Variants in ABL2 observed in about 807,000 individuals in gnomAD.
ABL2 encodes ABL proto-oncogene 2, non-receptor tyrosine kinase.
Under a neutral mutation model 107.7 loss-of-function variants are expected in ABL2, and 49 were observed. That is an observed-to-expected ratio of 0.45 (90% CI 0.36 to 0.58). The LOEUF is 0.58. Ranked by LOEUF, ABL2 falls within the 20% of genes least tolerant of loss-of-function variation. The probability of loss-of-function intolerance (pLI) is 0.00; values close to 1 mark genes in which losing one functional copy is unlikely to be tolerated. For missense variants in ABL2, 1,245 were observed against 1,457.0 expected, an observed-to-expected ratio of 0.85 and a Z score of 2.37; for synonymous variants, 549 against 548.6, an observed-to-expected ratio of 1.00 and a Z score of -0.01.
chr1:179,180,791 T>C (rs1478542517), intron 1 of ABL2, among the ~76,000 whole-genome samples: 4 of 152,220 alleles, frequency 2.6e-5, no homozygotes, highest in Non-Finnish European at 2.9e-5. Context: ...GTGAAACATT[T>C]TTCTATTCTG....
chr1:179,113,075 C>A (rs923697130), intron 9 of ABL2, among the ~76,000 whole-genome samples: 1 of 152,098 alleles, frequency 6.6e-6, no homozygotes, highest in African/African-American at 2.4e-5. Flanking sequence ...ACACAGCGAT[C>A]TCAAGCTACT....
intron 1 of ABL2, among the ~76,000 whole-genome samples, chr1:179,192,907 T>A (rs1325544119): frequency 6.6e-6 from 1 of 152,228 alleles, no homozygotes; most frequent in Non-Finnish European, 1.5e-5. Flanking sequence ...CTGTATTATG[T>A]CTATTTGAAT....
chr1:179,184,939 T>C (rs1029695366), intron 1 of ABL2, among the ~76,000 whole-genome samples: 2 of 152,108 alleles, frequency 1.3e-5, no homozygotes, highest in African/African-American at 4.8e-5. Flanking sequence ...ACAAAAACTG[T>C]ATGGAATCAC....
Position 179,104,228 on chromosome 1 carries a change from A to C in ABL2, c.*3490T>G, listed in dbSNP as rs1473927476. On this transcript the variant is annotated 3_prime_UTR_variant, in exon 12 of 12. Transcript: ENST00000502732. ...CAACAACCCTGAGGTAGTTACTATT[A>C]TTATCCCTGTTTTACAGTGAGGAAA... The C allele has an allele frequency of 4.3e-6, 1 of 229,956 alleles. No individual in the cohort carries two copies. Among genetic ancestry groups the C allele is most frequent in the African/African-American group, 2.2e-5 (1 of 45,136 alleles). 14.2% of individuals were successfully genotyped at this position (229,956 alleles called of 1,614,324 possible).
Position 179,118,642 on chromosome 1 carries a change from C to T in ABL2, c.1168G>A (p.Ala390Thr). 1 of 1,613,654 alleles carries T rather than the reference C, an allele frequency of 6.2e-7. No homozygotes were observed. The highest frequency in any genetic ancestry group is 8.5e-7 in the Non-Finnish European group (1 of 1,179,934). ...EVTAVVLLYM[A>T]TQISSAMEYL... is the part of the protein sequence containing the mutation. ...TCCATTGCAGAAGAAATCTGAGTGG[C>T]CATGTAGAGCAGCACAACTGCAGTC... Residue 390 changes from alanine to threonine, a missense_variant, in exon 7 of 12, where the codon GCC (alanine) becomes ACC (threonine). Ala to Thr is a moderately conservative substitution (Grantham distance 58). Coordinates refer to ENST00000502732, the MANE Select transcript of ABL2 (RefSeq NM_007314.4).
rs1653139992 is a variant in ABL2, at chr1:179,102,018, T to TTTTTTTTTTTTTTG, written c.*5686_*5699dup. ...TTTCTTTTTTTTTTTTTTTTTTTTT[T>TTTTTTTTTTTTTTG]TTTTTTTTTTTTTGAGACGGAGTCT... On this transcript the variant is annotated 3_prime_UTR_variant, in exon 12 of 12. Transcript: ENST00000502732. The TTTTTTTTTTTTTTG allele has an allele frequency of 7.4e-6, 1 of 135,058 alleles. No homozygotes were observed. The highest frequency in any genetic ancestry group is 1.5e-5 in the Non-Finnish European group (1 of 66,474). The allele number at this position is 135,058 out of a possible 1,614,324, so 8.4% of individuals were successfully genotyped here.
At chr1:179,175,250 G>GAA (rs1184597932) in intron 1 of ABL2, among the ~76,000 whole-genome samples, 1 of 151,816 alleles carries the variant, frequency 6.6e-6, no homozygotes, top group Non-Finnish European at 1.5e-5. Context: ...GTTTTTAGCA[G>GAA]AAATGGGTAA....
chr1:179,229,208 C>CCCCCCCCCCCCCCCAA, intron 1 of ABL2, 33 bp downstream of exon 1: 23 of 1,488,002 alleles, frequency 1.5e-5, no homozygotes, highest in Admixed American at 6.7e-5. Flanking sequence ...CGGCCTCCCC[C>CCCCCCCCCCCCCCCAA]ACGCTCTCAT....
intron 1 of ABL2, among the ~76,000 whole-genome samples, chr1:179,164,427 T>A (rs542741780): frequency 6.6e-6 from 1 of 152,318 alleles, no homozygotes; most frequent in Non-Finnish European, 1.5e-5. Flanking sequence ...TAGGTGAAAG[T>A]AAGGTCCTTC....
rs754754439 is a variant in ABL2 at position 179,107,723 on chromosome 1, T to C, written c.3544A>G (p.Arg1182Gly). The change falls in exon 12 of 12, where the codon AGG becomes GGG. Residue 1182 changes from arginine to glycine, a missense_variant. Physicochemically the swap from Arg to Gly is moderately radical, Grantham distance 125 (BLOSUM62 -2). This residue lies in a region of ABL2 where 761 missense variants were observed against 766.4 expected (regional missense o/e 0.99). Transcript: ENST00000502732. ...TCCCACCAGGCTAACAGTGGCTACC[T>C]CTGCACCACATCACTGATTTCCTGT... is the stretch of plus-strand genomic sequence containing the variant. The part of the protein sequence containing the change: ...CVQEISDVVQ[R>G] 1 of 1,605,524 alleles carries C rather than the reference T, an allele frequency of 6.2e-7. No homozygotes were observed. The highest frequency in any genetic ancestry group is 8.5e-7 in the Non-Finnish European group (1 of 1,174,180).
chr1:179,136,716 AT>A (rs1657038684), intron 1 of ABL2, among the ~76,000 whole-genome samples: 1 of 140,228 alleles, frequency 7.1e-6, no homozygotes, highest in African/African-American at 2.9e-5. Context: ...TAAAAAATAA[AT>A]AAATAAATAA....
rs570619960 is a variant in ABL2 at position 179,159,550 on chromosome 1, G to A, written c.158-26176C>T. 6.6e-5 allele frequency among the ~76,000 whole-genome samples: 10 copies of A among 152,290 alleles called. No individual in the cohort carries two copies. The South Asian group carries it at 2.1e-3, about 32-fold the overall frequency. On this transcript the variant is annotated intron_variant, in intron 1 of 11. Transcript: ENST00000502732. ...AAAGAGCTAGAAAATATGGTAGCCT[G>A]TCACTTCAAAATGTGTCGTTTTTGG...
intron 9 of ABL2, among the ~76,000 whole-genome samples, chr1:179,114,075 CA>C (rs1424925217): frequency 4.6e-5 from 7 of 151,688 alleles, no homozygotes; most frequent in Non-Finnish European, 1.0e-4. Flanking sequence ...GCCAACATGC[CA>C]AAACCCCATC....
At chr1:179,198,256 G>A (rs1172529167) in intron 1 of ABL2, among the ~76,000 whole-genome samples, 3 of 151,650 alleles carry the variant, frequency 2.0e-5, no homozygotes. Flanking sequence ...GAAAGGTAAA[G>A]AGGGAGAGAA....
intron 1 of ABL2, among the ~76,000 whole-genome samples, chr1:179,135,569 T>G (rs9425834): frequency 0.5 from 74,353 of 150,092 alleles, 18,523 homozygotes; most frequent in Admixed American, 0.54. Context: ...GAGCGTCTCC[T>G]CCTGGCAGCC....
At chr1:179,205,029 CT>C (rs752957278) in intron 1 of ABL2, among the ~76,000 whole-genome samples, 110 of 138,162 alleles carry the variant, frequency 8.0e-4, no homozygotes, top group Middle Eastern at 3.9e-3. Context: ...AACTCTTTTT[CT>C]TTTTTTTTTT....
chr1:179,133,250 C>T, intron 2 of ABL2, 62 bp downstream of exon 2: 1 of 1,605,792 alleles, frequency 6.2e-7, no homozygotes, highest in Non-Finnish European at 8.5e-7. Flanking sequence ...AATCCATTCC[C>T]TGTTCTCCAT....
At chr1:179,130,650 T>C (rs1656203954) in intron 3 of ABL2, among the ~76,000 whole-genome samples, 1 of 151,962 alleles carries the variant, frequency 6.6e-6, no homozygotes, top group Non-Finnish European at 1.5e-5. Context: ...AAGAGAGTGG[T>C]AGTTTATTTC....
At position 179,220,477 on chromosome 1, in the gene ABL2, C is replaced by T. The variant is rs546452944; in HGVS notation, c.157+8764G>A. On this transcript the variant is annotated intron_variant, in intron 1 of 11. Coordinates refer to ENST00000502732, the MANE Select transcript of ABL2 (RefSeq NM_007314.4). ...TGAGCTGGGTATGTGCCGCACAGGA[C>T]AGTGCCTTGTTTAGGCGATGGTCAC... Among the ~76,000 whole-genome samples the T allele has an allele frequency of 1.2e-4, 19 of 152,336 alleles. No individual in the cohort carries two copies. In the East Asian group the frequency reaches 3.1e-3, roughly 25 times the overall value.
Sources: gnomAD v4.1 joint callset for allele counts (sites outside exome capture counted in the v4.1 genomes callset) on GRCh38, gnomAD v4.1.1 for gene constraint, gnomAD v4.1.1 regional missense constraint, MANE v1.5 for transcripts, NCBI Gene and HGNC (gene_info 2026-07-23, HGNC 2026-07-21) for gene names.